Variants in KAZN observed in about 807,000 individuals in gnomAD.
KAZN encodes the protein kazrin.
Under a neutral mutation model 87.4 loss-of-function variants are expected in KAZN, and 40 were observed. The observed-to-expected ratio is 0.46, with a 90% CI of 0.36 to 0.60. The LOEUF (loss-of-function observed/expected upper bound fraction) is 0.60, where lower values mean the gene tolerates loss of function less well. KAZN is among the 20% of genes least tolerant of loss of function. The probability of loss-of-function intolerance (pLI) is 0.00; values close to 1 mark genes in which losing one functional copy is unlikely to be tolerated. For missense variants in KAZN, 898 were observed against 1,073.9 expected, an observed-to-expected ratio of 0.84 and a Z score of 2.29; for synonymous variants, 466 against 458.3, an observed-to-expected ratio of 1.02 and a Z score of -0.22.
At chr1:14,525,311 CT>C (rs1244488005) in intron 2 of KAZN, among the ~76,000 whole-genome samples, 3 of 151,934 alleles carry the variant, frequency 2.0e-5, no homozygotes, top group Non-Finnish European at 4.4e-5. Flanking sequence ...GCATTAATTT[CT>C]TTTTTATCAT....
intron 2 of KAZN, among the ~76,000 whole-genome samples, chr1:14,187,046 TCTC>T (rs1340747046): frequency 8.0e-5 from 12 of 150,334 alleles, no homozygotes; most frequent in African/African-American, 2.3e-4. Context: ...TTTCTCATCT[TCTC>T]AGCCATGAGA....
chr1:14,073,701 TC>T (rs1385858510), intron 1 of KAZN, among the ~76,000 whole-genome samples: 6 of 152,196 alleles, frequency 3.9e-5, no homozygotes, highest in Non-Finnish European at 7.3e-5. Flanking sequence ...GTTTCCAGCT[TC>T]ATCCGTGTCC....
intron 1 of KAZN, among the ~76,000 whole-genome samples, chr1:14,094,133 T>C (rs1644071175): frequency 6.6e-6 from 1 of 152,156 alleles, no homozygotes. Flanking sequence ...CTAGCTTTTA[T>C]GGCTTGCCTT....
intron 2 of KAZN, among the ~76,000 whole-genome samples, chr1:14,477,244 C>T (rs1285751474): frequency 1.3e-5 from 2 of 152,200 alleles, no homozygotes; most frequent in Non-Finnish European, 2.9e-5. Flanking sequence ...CAAGCTTTCT[C>T]TTTGCCTGCT....
chr1:14,535,503 T>G (rs534180176), intron 2 of KAZN, among the ~76,000 whole-genome samples: 8 of 152,050 alleles, frequency 5.3e-5, no homozygotes, highest in South Asian at 2.1e-4. Context: ...CCGTCTTTAC[T>G]GAAAATACAA....
intron 2 of KAZN, among the ~76,000 whole-genome samples, chr1:14,499,073 A>G (rs79656081): frequency 0.011 from 1,723 of 152,206 alleles, 70 homozygotes; most frequent in East Asian, 0.095. Flanking sequence ...TAACCAATGC[A>G]TTGCCAAGCA....
At chr1:14,617,623 T>C (rs1331711308) in intron 1 of KAZN, among the ~76,000 whole-genome samples, 1 of 152,206 alleles carries the variant, frequency 6.6e-6, no homozygotes, top group Non-Finnish European at 1.5e-5. Context: ...ATCCCGGTGA[T>C]AAGTGCATGG....
At chr1:13,968,145 G>A (rs1371236359) in intron 1 of KAZN, among the ~76,000 whole-genome samples, 5 of 152,164 alleles carry the variant, frequency 3.3e-5, no homozygotes, top group South Asian at 4.1e-4. Flanking sequence ...TGGGAAGCCC[G>A]GGGTCCTGCA....
intron 2 of KAZN, among the ~76,000 whole-genome samples, chr1:14,551,092 T>G (rs1337622562): frequency 6.6e-6 from 1 of 152,104 alleles, no homozygotes; most frequent in Non-Finnish European, 1.5e-5. Flanking sequence ...AGTCATTATG[T>G]TACATATACT....
intron 1 of KAZN, among the ~76,000 whole-genome samples, chr1:14,006,993 T>G (rs1404503729): frequency 6.6e-6 from 1 of 152,208 alleles, no homozygotes; most frequent in African/African-American, 2.4e-5. Flanking sequence ...TATCTGTGTC[T>G]TCTTCAATTT....
chr1:14,107,912 C>G (rs1644414267), intron 1 of KAZN, among the ~76,000 whole-genome samples: 1 of 152,162 alleles, frequency 6.6e-6, no homozygotes, highest in Non-Finnish European at 1.5e-5. Flanking sequence ...GCTTTATGTA[C>G]TTGAACCGGT....
intron 1 of KAZN, among the ~76,000 whole-genome samples, chr1:14,172,751 T>G (rs1224262440): frequency 1.2e-4 from 19 of 152,222 alleles, no homozygotes; most frequent in African/African-American, 2.4e-5. Context: ...AGGGCCTCCG[T>G]GATGGCGGAT....
chr1:14,674,786 T>TCTTTA (rs147063463), intron 1 of KAZN, among the ~76,000 whole-genome samples: 2 of 152,234 alleles, frequency 1.3e-5, no homozygotes, highest in Non-Finnish European at 2.9e-5. Flanking sequence ...TGTTTTCTTT[T>TCTTTA]CTTTTCTTTT....
intron 2 of KAZN, among the ~76,000 whole-genome samples, chr1:14,982,873 C>T (rs1036828505): frequency 1.6e-4 from 24 of 152,156 alleles, no homozygotes; most frequent in Non-Finnish European, 1.2e-4. Flanking sequence ...GCCTGCCATG[C>T]GAAGCGCAGG....
rs377524040 is a variant in KAZN, at chr1:14,615,315, A to T, written c.226+16092A>T. On this transcript the variant is annotated intron_variant, in intron 1 of 14. Coordinates refer to ENST00000376030, the MANE Select transcript of KAZN (RefSeq NM_201628.3). ...ACCTGGGTTCTAGCCTCGAGCCTGC[A>T]ACTAAGAGGCTAAAGAAGAGCAGAG... 4.8e-3 allele frequency among the ~76,000 whole-genome samples: 736 copies of T among 152,286 alleles called. 8 individuals are homozygous for T. The highest frequency in any genetic ancestry group is 0.016 in the African/African-American group (669 of 41,546).
intron 1 of KAZN, among the ~76,000 whole-genome samples, chr1:14,727,009 G>T (rs1289312184): frequency 6.6e-6 from 1 of 152,172 alleles, no homozygotes; most frequent in Non-Finnish European, 1.5e-5. Context: ...TGTGCCTTGA[G>T]CTACTGCTTG....
At chr1:14,242,575 G>C (rs1333634975) in intron 2 of KAZN, among the ~76,000 whole-genome samples, 1 of 152,206 alleles carries the variant, frequency 6.6e-6, no homozygotes, top group Non-Finnish European at 1.5e-5. Flanking sequence ...ATATTTGGGT[G>C]GGGGGATAAG....
intron 1 of KAZN, among the ~76,000 whole-genome samples, chr1:14,895,963 A>C (rs1218981501): frequency 1.3e-5 from 2 of 151,972 alleles, no homozygotes; most frequent in African/African-American, 4.8e-5. Flanking sequence ...TTGGATGACA[A>C]GAAAAAGTTG....
intron 2 of KAZN, among the ~76,000 whole-genome samples, chr1:14,978,695 A>G (rs901740014): frequency 4.6e-5 from 7 of 151,534 alleles, no homozygotes; most frequent in Non-Finnish European, 8.8e-5. Context: ...TCTGTGTGCT[A>G]TGGGGGCTGA....
Sources: gnomAD v4.1 joint callset for allele counts (sites outside exome capture counted in the v4.1 genomes callset) on GRCh38, gnomAD v4.1.1 for gene constraint, MANE v1.5 for transcripts, NCBI Gene and HGNC (gene_info 2026-07-23, HGNC 2026-07-21) for gene names.